NEMP2: variants seen among roughly 807,000 people sequenced by gnomAD.
NEMP2 encodes UPF0571 transmembrane protein.
NEMP2 carries 53 observed loss-of-function variants against 54.2 expected under a neutral mutation model. The observed-to-expected ratio is 0.98, with a 90% CI of 0.78 to 1.23. The LOEUF (loss-of-function observed/expected upper bound fraction) is 1.23, where lower values mean the gene tolerates loss of function less well. NEMP2 is among the 50% of genes most tolerant of loss of function. The pLI is 0.00. For synonymous variants in NEMP2, 197 were observed against 190.3 expected (o/e 1.04, Z -0.29); for missense variants, 455 against 511.3 (o/e 0.89, Z 1.06).
Position 190,525,330 on chromosome 2 carries a change from T to C in NEMP2, c.146A>G (p.Glu49Gly). 6.4e-7 allele frequency: 1 copy of C among 1,550,780 alleles called. No individual in the cohort carries two copies. Among genetic ancestry groups the C allele is most frequent in the Non-Finnish European group, 8.7e-7 (1 of 1,146,394 alleles). Residue 49 changes from glutamate (E) to glycine (G), a missense_variant, in exon 2 of 9, where the codon GAG (glutamate) becomes GGG (glycine). This residue lies in a region of NEMP2 where 100 missense variants were observed against 80.2 expected (regional missense o/e 1.25). Coordinates refer to ENST00000409150, the MANE Select transcript of NEMP2 (RefSeq NM_001142645.2). The surrounding 1 kb of genome is among the most constrained non-coding windows in gnomAD (Gnocchi z 5.0). ...LKEKDLIRTS[E>G]SDCYCYNQNS... The stretch of plus-strand genomic sequence containing the variant: ...TTGATTGTAGCAGTAACAGTCTGAC[T>C]CAGACGTTCTAATTAAATCTTTTTC...
chr2:190,530,142 C>A lies in NEMP2; in HGVS notation c.97+4417G>T, dbSNP rs1691092973. Among the ~76,000 whole-genome samples, 2 of 152,156 alleles carry A rather than the reference C, an allele frequency of 1.3e-5. No individual in the cohort carries two copies. Among genetic ancestry groups the A allele is most frequent in the African/African-American group, 4.8e-5 (2 of 41,422 alleles). ...GGAAAAGAACTTGTTCTGCATTTCCCCTCAGTCTTCAACCAGATTAAGGAC... is the reference window on the plus strand; with the variant it reads ...GGAAAAGAACTTGTTCTGCATTTCCACTCAGTCTTCAACCAGATTAAGGAC... On this transcript the variant is annotated intron_variant, in intron 1 of 8. Transcript: ENST00000409150. The surrounding 1 kb of genome is among the most constrained non-coding windows in gnomAD (Gnocchi z 4.6).
the NEMP2 span, among the ~76,000 whole-genome samples, chr2:190,551,449 T>C: frequency 6.6e-6 from 1 of 152,068 alleles, no homozygotes; most frequent in African/African-American, 2.4e-5. Context: ...TGCTCTTCTG[T>C]TTCTCCTAGT....
At chr2:190,538,669 A>G (rs1327196079), upstream of NEMP2, among the ~76,000 whole-genome samples, 1 of 151,646 alleles carries the variant, frequency 6.6e-6, no homozygotes, top group African/African-American at 2.4e-5. The surrounding 1 kb of genome is among the most constrained non-coding windows in gnomAD (Gnocchi z 4.1). Flanking sequence ...CTGAAGTGAG[A>G]TACCTCATTG....
At chr2:190,573,016 T>A in the NEMP2 span, among the ~76,000 whole-genome samples, 1,279 of 151,734 alleles carry the variant, frequency 8.4e-3, 17 homozygotes, top group African/African-American at 0.029. Flanking sequence ...AGTTACCAAT[T>A]TGTTCCCAAA....
chr2:190,533,762 A>T lies in NEMP2; in HGVS notation c.97+797T>A, dbSNP rs1691245235. 6.9e-6 allele frequency among the ~76,000 whole-genome samples: 1 copy of T among 143,918 alleles called. No individual in the cohort carries two copies. The highest frequency in any genetic ancestry group is 2.1e-4 in the East Asian group (1 of 4,768). 94.4% of individuals were successfully genotyped at this position (143,918 alleles called of 152,430 possible). On this transcript the variant is annotated intron_variant, in intron 1 of 8. Coordinates refer to ENST00000409150, the MANE Select transcript of NEMP2 (RefSeq NM_001142645.2). This position sits in a 1 kb window ranked among gnomAD's most constrained non-coding sequence, Gnocchi z 4.3. ...GTGCACCCAGGAAATCTTTTAAAAG[A>T]TTTTATGAGGGGAAAAAAAAAAAGA... is the stretch of plus-strand genomic sequence containing the variant.
the NEMP2 span, among the ~76,000 whole-genome samples, chr2:190,571,961 A>C: frequency 6.6e-6 from 1 of 152,114 alleles, no homozygotes; most frequent in African/African-American, 2.4e-5. Context: ...GCACTACAGC[A>C]TGCCTTGCCT....
the NEMP2 span, chr2:190,628,756 A>G: frequency 6.6e-6 from 1 of 152,242 alleles, no homozygotes. The surrounding 1 kb of genome is among the most constrained non-coding windows in gnomAD (Gnocchi z 4.1). Flanking sequence ...AAATAAATCT[A>G]CAGTGAGAAA....
the NEMP2 span, among the ~76,000 whole-genome samples, chr2:190,427,484 C>T: frequency 6.6e-6 from 1 of 152,214 alleles, no homozygotes; most frequent in African/African-American, 2.4e-5. Context: ...CAAGCAGGCA[C>T]TTGTTAGGGC....
At chr2:190,534,475 G>A (rs12619125) in intron 1 of NEMP2, 84 bp downstream of exon 1, 336,156 of 1,283,640 alleles carry the variant, frequency 0.26, 46,119 homozygotes, top group Admixed American at 0.48. Flanking sequence ...GTGCCGCCCG[G>A]GCCAAAGAGC....
At chr2:190,428,231 CAAT>C in the NEMP2 span, among the ~76,000 whole-genome samples, 1 of 152,304 alleles carries the variant, frequency 6.6e-6, no homozygotes, top group Admixed American at 6.5e-5. Flanking sequence ...GGAAATACTA[CAAT>C]TTATGTATCT....
At chr2:190,568,050 A>G in the NEMP2 span, 3 of 152,230 alleles carry the variant, frequency 2.0e-5, no homozygotes, top group Non-Finnish European at 4.4e-5. This position sits in a 1 kb window ranked among gnomAD's most constrained non-coding sequence, Gnocchi z 4.7. Flanking sequence ...CAGAAAACTT[A>G]TGTCTCATGT....
At chr2:190,544,930 CAAAAAA>C in the NEMP2 span, among the ~76,000 whole-genome samples, 1 of 90,792 alleles carries the variant, frequency 1.1e-5, no homozygotes, top group Non-Finnish European at 2.1e-5. Flanking sequence ...TCTACCCCCG[CAAAAAA>C]AAAAAAAAAA....
the NEMP2 span, among the ~76,000 whole-genome samples, chr2:190,619,057 C>T: frequency 1.3e-5 from 2 of 152,162 alleles, no homozygotes; most frequent in Admixed American, 6.5e-5. This position sits in a 1 kb window ranked among gnomAD's most constrained non-coding sequence, Gnocchi z 5.5. Flanking sequence ...TACTTCTCAA[C>T]TCATACAGCA....
Position 190,516,394 on chromosome 2 carries a change from G to A in NEMP2, c.613-10C>T, listed in dbSNP as rs1690557943. ...CCCAAAAGGTGCTATACTGTGTGTGGAAGAAAATAAATGACACATTTTTTG... is the reference window on the plus strand; with the variant it reads ...CCCAAAAGGTGCTATACTGTGTGTGAAAGAAAATAAATGACACATTTTTTG... On this transcript the variant is annotated splice_polypyrimidine_tract_variant and intron_variant, in intron 5 of 8. Coordinates refer to ENST00000409150, the MANE Select transcript of NEMP2 (RefSeq NM_001142645.2). 4 of 1,526,054 alleles carry A rather than the reference G, an allele frequency of 2.6e-6. No individual in the cohort carries two copies. Among genetic ancestry groups the A allele is most frequent in the Non-Finnish European group, 2.6e-6 (3 of 1,135,926 alleles). 94.5% of individuals were successfully genotyped at this position (1,526,054 alleles called of 1,614,324 possible). A position where few individuals can be genotyped will look rare whatever the true frequency, so the allele number is the denominator to read the frequency against.
At chr2:190,475,348 A>G in the NEMP2 span, among the ~76,000 whole-genome samples, 1 of 152,244 alleles carries the variant, frequency 6.6e-6, no homozygotes, top group Non-Finnish European at 1.5e-5. Context: ...CCTTAAGCTG[A>G]TAGGCAACTT....
chr2:190,618,581 C>T, the NEMP2 span, among the ~76,000 whole-genome samples: 1 of 151,978 alleles, frequency 6.6e-6, no homozygotes, highest in Non-Finnish European at 1.5e-5. Context: ...CATTATCTAC[C>T]TTTTTTTATT....
chr2:190,494,231 T>C, the NEMP2 span, among the ~76,000 whole-genome samples: 1 of 152,116 alleles, frequency 6.6e-6, no homozygotes, highest in Non-Finnish European at 1.5e-5. This position sits in a 1 kb window ranked among gnomAD's most constrained non-coding sequence, Gnocchi z 5.7. Context: ...TTAACACCTT[T>C]ACATGCATAA....
At chr2:190,572,364 G>A in the NEMP2 span, among the ~76,000 whole-genome samples, 2 of 152,120 alleles carry the variant, frequency 1.3e-5, no homozygotes, top group Non-Finnish European at 2.9e-5. Flanking sequence ...GGGTAAATAA[G>A]GCCTATAGAA....
the NEMP2 span, among the ~76,000 whole-genome samples, chr2:190,427,846 C>A: frequency 0.13 from 19,610 of 152,110 alleles, 1,604 homozygotes; most frequent in Middle Eastern, 0.22. Context: ...ATTCTCCTGT[C>A]TCAGCCTCCT....
Sources: gnomAD v4.1 joint callset for allele counts (sites outside exome capture counted in the v4.1 genomes callset) on GRCh38, gnomAD v4.1.1 for gene constraint, gnomAD v4.1.1 regional missense constraint, Gnocchi (gnomAD v3.1) non-coding constraint, MANE v1.5 for transcripts, NCBI Gene and HGNC (gene_info 2026-07-23, HGNC 2026-07-21) for gene names.